Variants in MAD1L1 observed in about 807,000 individuals in gnomAD.
The protein encoded by MAD1L1 is mitotic spindle assembly checkpoint protein MAD1.
A neutral mutation model predicts 96.9 loss-of-function variants in MAD1L1; 95 were observed. The observed-to-expected ratio is 0.98, with a 90% CI of 0.83 to 1.16. The LOEUF (loss-of-function observed/expected upper bound fraction) is 1.16, where lower values mean the gene tolerates loss of function less well. MAD1L1 is among the 50% of genes most tolerant of loss of function. The pLI is 0.00. For missense variants in MAD1L1, 1,007 were observed against 954.4 expected (o/e 1.06, Z -0.73); for synonymous variants, 473 against 396.6 (o/e 1.19, Z -2.29).
At chr7:2,171,539 CAAAGGACAGCAGA>C in intron 10 of MAD1L1, among the ~76,000 whole-genome samples, 1 of 136,892 alleles carries the variant, frequency 7.3e-6, no homozygotes, top group South Asian at 2.1e-4. Context: ...CTCCACCGTG[CAAAGGACAGCAGA>C]GAAGGACAGC....
chr7:2,076,935 A>G (rs1371818991), intron 11 of MAD1L1, among the ~76,000 whole-genome samples: 1 of 147,222 alleles, frequency 6.8e-6, no homozygotes, highest in South Asian at 2.2e-4. Flanking sequence ...AGCCCGAGAC[A>G]GTTATGGCAC....
At chr7:2,044,457 G>A (rs1050176728) in intron 12 of MAD1L1, among the ~76,000 whole-genome samples, 2 of 152,204 alleles carry the variant, frequency 1.3e-5, no homozygotes, top group Non-Finnish European at 2.9e-5. Context: ...AGGTGGGGAC[G>A]CTGTGAACAC....
intron 11 of MAD1L1, among the ~76,000 whole-genome samples, chr7:2,135,301 G>C (rs1788698362): frequency 6.6e-6 from 1 of 152,190 alleles, no homozygotes. Flanking sequence ...GATGGACGCA[G>C]ACACGAGATG....
intron 17 of MAD1L1, among the ~76,000 whole-genome samples, chr7:1,923,391 C>T (rs1318106530): frequency 6.6e-6 from 1 of 152,244 alleles, no homozygotes; most frequent in Non-Finnish European, 1.5e-5. Flanking sequence ...GTGGGAAATT[C>T]TGTCTGTCTC....
At chr7:2,005,793 CCT>C (rs1782005086) in intron 13 of MAD1L1, among the ~76,000 whole-genome samples, 2 of 151,958 alleles carry the variant, frequency 1.3e-5, no homozygotes, top group South Asian at 4.1e-4. Context: ...AGAGTGAGAC[CCT>C]GTGTCAAAAA....
At position 2,042,889 on chromosome 7, in the gene MAD1L1, G is replaced by GTCCACGTCCACA. The variant is rs1343867794; in HGVS notation, c.1218+26304_1218+26305insTGTGGACGTGGA. On this transcript the variant is annotated intron_variant, in intron 12 of 18. Coordinates refer to ENST00000265854, the MANE Select transcript of MAD1L1 (RefSeq NM_001013836.2). Reference sequence around the variant, plus strand: ...AGCCTTCACGCACACACATGTCCACGTCCACGTCCACGTCCACATCCACGT... The same window carrying GTCCACGTCCACA: ...AGCCTTCACGCACACACATGTCCACGTCCACGTCCACATCCACGTCCACGTCCACATCCACGT... 5.6e-3 allele frequency among the ~76,000 whole-genome samples: 97 copies of GTCCACGTCCACA among 17,370 alleles called. 1 individual carries two copies. In the South Asian group the frequency reaches 0.13, roughly 23 times the overall value. The allele number at this position is 17,370 out of a possible 152,430, so 11.4% of individuals were successfully genotyped here. A position where few individuals can be genotyped will look rare whatever the true frequency, so the allele number is the denominator to read the frequency against.
At chr7:1,854,614 C>T (rs978555524) in intron 18 of MAD1L1, among the ~76,000 whole-genome samples, 1 of 152,132 alleles carries the variant, frequency 6.6e-6, no homozygotes, top group African/African-American at 2.4e-5. Context: ...CCGAAGACCC[C>T]GCCTCCTCAT....
chr7:2,190,756 C>T (rs920519551), intron 10 of MAD1L1, among the ~76,000 whole-genome samples: 1 of 152,170 alleles, frequency 6.6e-6, no homozygotes, highest in Non-Finnish European at 1.5e-5. Context: ...AAGGAAATAC[C>T]GCACACACCC....
chr7:2,098,118 C>T (rs935191126), intron 11 of MAD1L1, among the ~76,000 whole-genome samples: 8 of 152,170 alleles, frequency 5.3e-5, no homozygotes, highest in African/African-American at 1.4e-4. Context: ...TCAGTGAGGA[C>T]GCCCGCGACT....
chr7:2,162,708 C>CAAAAAAAAAAA (rs200992128), intron 10 of MAD1L1, among the ~76,000 whole-genome samples: 3 of 96,540 alleles, frequency 3.1e-5, no homozygotes, highest in Admixed American at 1.0e-4. Flanking sequence ...CCACCACTCA[C>CAAAAAAAAAAA]AAAAAAAAAA....
intron 15 of MAD1L1, among the ~76,000 whole-genome samples, chr7:1,963,069 G>A (rs945312838): frequency 4.6e-5 from 7 of 152,216 alleles, no homozygotes; most frequent in African/African-American, 1.2e-4. Flanking sequence ...CGTTACACAC[G>A]TGACCGCCAG....
Position 1,906,003 on chromosome 7 carries a change from T to C in MAD1L1, c.1808-7613A>G, listed in dbSNP as rs145982550. On this transcript the variant is annotated intron_variant, in intron 17 of 18. Coordinates refer to ENST00000265854, the MANE Select transcript of MAD1L1 (RefSeq NM_001013836.2). The stretch of plus-strand genomic sequence containing the variant: ...AAGCAGAGGCTGCAGTGAGCCGAGA[T>C]TGCGCCACTGCACTCCACGCTGGGT... Among the ~76,000 whole-genome samples, 1,229 of 144,132 alleles carry C rather than the reference T, an allele frequency of 8.5e-3. 16 individuals carry two copies. Among genetic ancestry groups the C allele is most frequent in the African/African-American group, 0.031 (1,171 of 38,234 alleles). 94.6% of individuals were successfully genotyped at this position (144,132 alleles called of 152,430 possible). A position where few individuals can be genotyped will look rare whatever the true frequency, so the allele number is the denominator to read the frequency against.
In MAD1L1 at chr7:2,119,205, C is replaced by T. The variant is rs1038525897; in HGVS notation, c.1073+29947G>A. On this transcript the variant is annotated intron_variant, in intron 11 of 18. Coordinates refer to ENST00000265854, the MANE Select transcript of MAD1L1 (RefSeq NM_001013836.2). This position sits in a 1 kb window ranked among gnomAD's most constrained non-coding sequence, Gnocchi z 4.6. ...TGTTTCATCTACTGTGACATTTCTC[C>T]TGTCCCAGTGCCCTCCTCTCCCTCT... Among the ~76,000 whole-genome samples, 1 of 152,132 alleles carries T rather than the reference C, an allele frequency of 6.6e-6. No homozygotes were observed. Among genetic ancestry groups the T allele is most frequent in the African/African-American group, 2.4e-5 (1 of 41,408 alleles).
intron 18 of MAD1L1, among the ~76,000 whole-genome samples, chr7:1,888,714 C>T (rs73288747): frequency 0.08 from 11,900 of 149,146 alleles, 1,068 homozygotes; most frequent in African/African-American, 0.22. Context: ...TGTGGCTGCC[C>T]GTGCATGTGG....
intron 11 of MAD1L1, among the ~76,000 whole-genome samples, chr7:2,139,220 G>A (rs1313467924): frequency 4.6e-5 from 7 of 152,010 alleles, no homozygotes; most frequent in South Asian, 4.2e-4. Context: ...TGGCTGCCAC[G>A]GGGATCACAC....
At chr7:2,055,645 G>A (rs1025101112) in intron 12 of MAD1L1, among the ~76,000 whole-genome samples, 2 of 147,840 alleles carry the variant, frequency 1.4e-5, no homozygotes, top group African/African-American at 5.1e-5. Flanking sequence ...ACTCCAGCCT[G>A]GGTGACACAG....
intron 12 of MAD1L1, among the ~76,000 whole-genome samples, chr7:2,039,755 T>C (rs1470344806): frequency 6.6e-6 from 1 of 152,224 alleles, no homozygotes; most frequent in East Asian, 1.9e-4. Flanking sequence ...CTATTACAGA[T>C]AACAAATCGT....
chr7:1,882,951 TGTC>T (rs1201857818), intron 18 of MAD1L1, among the ~76,000 whole-genome samples: 24 of 133,678 alleles, frequency 1.8e-4, no homozygotes, highest in African/African-American at 6.4e-4. Context: ...CCAAACCTGG[TGTC>T]ACAAACGACT....
chr7:2,230,454 C>G (rs567116919), intron 2 of MAD1L1, 95 bp downstream of exon 2: 23 of 298,160 alleles, frequency 7.7e-5, no homozygotes, highest in Middle Eastern at 1.2e-3. Context: ...GGCACGTCCC[C>G]CAACTGCACT....
Sources: gnomAD v4.1 joint callset for allele counts (sites outside exome capture counted in the v4.1 genomes callset) on GRCh38, gnomAD v4.1.1 for gene constraint, Gnocchi (gnomAD v3.1) non-coding constraint, MANE v1.5 for transcripts, NCBI Gene and HGNC (gene_info 2026-07-23, HGNC 2026-07-21) for gene names.